GMDS: variants seen among roughly 807,000 people sequenced by gnomAD.
GMDS encodes GDP-mannose 4,6 dehydratase.
Under a neutral mutation model 49.9 loss-of-function variants are expected in GMDS, and 20 were observed. That is an observed-to-expected ratio of 0.40 (90% CI 0.28 to 0.58). The LOEUF is 0.58. Among genes scored for constraint, GMDS ranks in the 20% least tolerant of loss-of-function variants. GMDS has a pLI of 0.42. For synonymous variants in GMDS, 177 were observed against 178.6 expected (o/e 0.99, Z 0.07); for missense variants, 362 against 481.4 (o/e 0.75, Z 2.32).
At chr6:1,886,513 A>G (rs995813148) in intron 7 of GMDS, among the ~76,000 whole-genome samples, 6 of 152,208 alleles carry the variant, frequency 3.9e-5, no homozygotes, top group Non-Finnish European at 8.8e-5. Flanking sequence ...AAAATAGACT[A>G]CTAGAATTAC....
intron 1 of GMDS, among the ~76,000 whole-genome samples, chr6:2,216,467 G>A (rs1411609444): frequency 1.3e-5 from 2 of 152,214 alleles, no homozygotes; most frequent in Non-Finnish European, 2.9e-5. Context: ...GAACCTCTAA[G>A]ATTACATGGA....
At chr6:2,087,274 T>G (rs1773068746) in intron 4 of GMDS, among the ~76,000 whole-genome samples, 1 of 152,206 alleles carries the variant, frequency 6.6e-6, no homozygotes, top group African/African-American at 2.4e-5. Flanking sequence ...TTCTTACAAT[T>G]TTATTTGAAG....
intron 4 of GMDS, among the ~76,000 whole-genome samples, chr6:1,968,193 G>A (rs1365994507): frequency 2.6e-5 from 4 of 152,210 alleles, no homozygotes; most frequent in Non-Finnish European, 5.9e-5. Flanking sequence ...AGTAGGATAA[G>A]ATAAATGCCA....
chr6:1,943,476 G>C (rs1158933234), intron 6 of GMDS, among the ~76,000 whole-genome samples: 1 of 152,178 alleles, frequency 6.6e-6, no homozygotes, highest in Non-Finnish European at 1.5e-5. Context: ...TATAACACAT[G>C]ATAGGTGTTC....
Position 2,148,577 on chromosome 6 carries a change from C to T in GMDS, c.103-23846G>A, listed in dbSNP as rs1275641897. Among the ~76,000 whole-genome samples the T allele has an allele frequency of 5.9e-5, 9 of 152,148 alleles. No individual in the cohort carries two copies. The East Asian group carries it at 1.2e-3, about 20-fold the overall frequency. ...CTGGGATTACAGGCATGCACCACCACGCCTGGCTAATTTTGTATTATTAGT... is the reference window on the plus strand; with the variant it reads ...CTGGGATTACAGGCATGCACCACCATGCCTGGCTAATTTTGTATTATTAGT... On this transcript the variant is annotated intron_variant, in intron 1 of 10. Coordinates refer to ENST00000380815, the MANE Select transcript of GMDS (RefSeq NM_001500.4).
chr6:1,698,265 T>C (rs1375835214), intron 9 of GMDS, among the ~76,000 whole-genome samples: 1 of 152,238 alleles, frequency 6.6e-6, no homozygotes, highest in Non-Finnish European at 1.5e-5. Flanking sequence ...GCAGTATTTA[T>C]AGCTGGTATA....
chr6:2,000,009 T>TATA (rs1491273695), intron 4 of GMDS, among the ~76,000 whole-genome samples: 8 of 6,044 alleles, frequency 1.3e-3, no homozygotes, highest in Admixed American at 3.6e-3. Flanking sequence ...TATATATATA[T>TATA]TTTTTATATA....
chr6:2,158,024 A>G (rs778019701), intron 1 of GMDS, among the ~76,000 whole-genome samples: 10 of 152,188 alleles, frequency 6.6e-5, no homozygotes, highest in Non-Finnish European at 1.0e-4. Flanking sequence ...AGCTGAAACA[A>G]AAACAAACCT....
At chr6:2,200,734 G>C (rs1490278163) in intron 1 of GMDS, among the ~76,000 whole-genome samples, 4 of 145,414 alleles carry the variant, frequency 2.8e-5, no homozygotes, top group South Asian at 2.3e-4. Flanking sequence ...GCACCACATG[G>C]ACATCCGAGA....
intron 8 of GMDS, among the ~76,000 whole-genome samples, chr6:1,735,795 T>C (rs1479803801): frequency 6.6e-6 from 1 of 152,210 alleles, no homozygotes; most frequent in Non-Finnish European, 1.5e-5. Context: ...AGTATCAATA[T>C]AATAAATTTG....
rs543797423 is a variant in GMDS, at chr6:1,778,530, A to G, written c.772-35944T>C. Reference sequence around the variant, plus strand: ...TTACTCCAGCCTGGAGTGTTCCAAGATCTAAAATAGGTTAGTTTGTAAAAC... The same window carrying G: ...TTACTCCAGCCTGGAGTGTTCCAAGGTCTAAAATAGGTTAGTTTGTAAAAC... On this transcript the variant is annotated intron_variant, in intron 7 of 10. Transcript: ENST00000380815. This position sits in a 1 kb window ranked among gnomAD's most constrained non-coding sequence, Gnocchi z 4.6. 5.9e-5 allele frequency among the ~76,000 whole-genome samples: 9 copies of G among 152,290 alleles called. No homozygotes were observed. The East Asian group carries it at 1.3e-3, about 23-fold the overall frequency.
chr6:1,720,049 A>G (rs1766321223), intron 9 of GMDS, among the ~76,000 whole-genome samples: 1 of 152,246 alleles, frequency 6.6e-6, no homozygotes, highest in Non-Finnish European at 1.5e-5. Flanking sequence ...ATCAAAAAAT[A>G]TTCTTAAATA....
At chr6:2,234,623 A>T (rs888357135) in intron 1 of GMDS, among the ~76,000 whole-genome samples, 4 of 152,164 alleles carry the variant, frequency 2.6e-5, no homozygotes, top group Admixed American at 2.0e-4. Context: ...AAAAATAAAA[A>T]AAATAAAATC....
At chr6:1,687,130 C>T (rs1395101251) in intron 9 of GMDS, among the ~76,000 whole-genome samples, 2 of 152,104 alleles carry the variant, frequency 1.3e-5, no homozygotes, top group Admixed American at 1.3e-4. Flanking sequence ...TTTGTCAGGC[C>T]CCAGAGATGT....
intron 9 of GMDS, among the ~76,000 whole-genome samples, chr6:1,630,929 G>A (rs904522952): frequency 6.6e-6 from 1 of 152,184 alleles, no homozygotes; most frequent in African/African-American, 2.4e-5. Context: ...TAATGAAAAG[G>A]AGATAAGGTT....
At chr6:1,950,024 G>T (rs1763263135) in intron 6 of GMDS, among the ~76,000 whole-genome samples, 1 of 152,142 alleles carries the variant, frequency 6.6e-6, no homozygotes, top group Non-Finnish European at 1.5e-5. Flanking sequence ...TGCATGATTT[G>T]AATTTGCCAA....
chr6:2,206,571 A>C (rs1387278673), intron 1 of GMDS, among the ~76,000 whole-genome samples: 1 of 152,206 alleles, frequency 6.6e-6, no homozygotes, highest in African/African-American at 2.4e-5. Flanking sequence ...CTCAACCATC[A>C]CTGTCACCTG....
intron 1 of GMDS, among the ~76,000 whole-genome samples, chr6:2,239,591 T>TTCCCAG (rs1186531073): frequency 1.3e-5 from 2 of 152,200 alleles, no homozygotes; most frequent in African/African-American, 4.8e-5. Flanking sequence ...CAACCTCTGA[T>TTCCCAG]TCCCAGTCCA....
At chr6:1,893,900 T>G (rs965737733) in intron 7 of GMDS, among the ~76,000 whole-genome samples, 1 of 152,196 alleles carries the variant, frequency 6.6e-6, no homozygotes, top group African/African-American at 2.4e-5. Context: ...GGTCTGTTCT[T>G]TGCCCAGCCC....
Sources: gnomAD v4.1 joint callset for allele counts (sites outside exome capture counted in the v4.1 genomes callset) on GRCh38, gnomAD v4.1.1 for gene constraint, Gnocchi (gnomAD v3.1) non-coding constraint, MANE v1.5 for transcripts, NCBI Gene and HGNC (gene_info 2026-07-23, HGNC 2026-07-21) for gene names.